B3GALNT2: variants seen among roughly 807,000 people sequenced by gnomAD.
B3GALNT2 encodes the protein UDP-GalNAc:beta-1,3-N-acetylgalactosaminyltransferase 2.
B3GALNT2 carries 53 observed loss-of-function variants against 61.1 expected under a neutral mutation model. The observed-to-expected ratio is 0.87, with a 90% confidence interval of 0.70 to 1.09. The LOEUF is 1.09. Ranked by LOEUF, B3GALNT2 falls within the 50% of genes least tolerant of loss-of-function variation. The pLI is 0.00. For missense variants in B3GALNT2, 544 were observed against 623.0 expected (o/e 0.87, Z 1.35); for synonymous variants, 223 against 237.4 (o/e 0.94, Z 0.56).
At chr1:235,477,945 C>A (rs1684364770) in intron 5 of B3GALNT2, among the ~76,000 whole-genome samples, 1 of 152,202 alleles carries the variant, frequency 6.6e-6, no homozygotes, top group South Asian at 2.1e-4. Flanking sequence ...GGTGGTGTAG[C>A]ACCTTCATCT....
intron 6 of B3GALNT2, chr1:235,465,937 T>A: frequency 2.1e-6 from 1 of 481,604 alleles, no homozygotes; most frequent in Non-Finnish European, 3.6e-6. Flanking sequence ...CAACATTCCA[T>A]AAGGTGTTCA....
At position 235,504,174 on chromosome 1, in the gene B3GALNT2, G is replaced by T; in HGVS notation, c.79C>A (p.Pro27Thr). 1 of 1,303,052 alleles carries T rather than the reference G, an allele frequency of 7.7e-7. No homozygotes were observed. Among genetic ancestry groups the T allele is most frequent in the Admixed American group, 4.0e-5 (1 of 24,778 alleles). The allele number at this position is 1,303,052 out of a possible 1,614,324, so 80.7% of individuals were successfully genotyped here. ...LHLWLRLRSP[P>T]PACASGAGPA... ...CCGGCCCCGGAGGCGCAGGCGGGCG[G>T]CGGGGAGCGCAGCCGCAGCCAGAGG... Residue 27 changes from proline to threonine, a missense_variant, in exon 1 of 12, where the codon CCG becomes ACG. By Grantham distance (38) the Pro-to-Thr change is conservative. Coordinates refer to ENST00000366600, the MANE Select transcript of B3GALNT2 (RefSeq NM_152490.5).
downstream of B3GALNT2, among the ~76,000 whole-genome samples, chr1:235,446,133 A>G (rs1682255711): frequency 6.6e-6 from 1 of 152,256 alleles, no homozygotes; most frequent in Non-Finnish European, 1.5e-5. Context: ...CCATCATGTC[A>G]TAAAGAAATA....
intron 4 of B3GALNT2, 80 bp downstream of exon 4, chr1:235,484,242 T>C: frequency 6.7e-7 from 1 of 1,495,252 alleles, no homozygotes; most frequent in Non-Finnish European, 8.9e-7. Context: ...TCTTCCAATC[T>C]ACTTACTGTA....
intron 1 of B3GALNT2, among the ~76,000 whole-genome samples, chr1:235,498,746 A>G (rs12746111): frequency 1.2e-3 from 168 of 144,996 alleles, no homozygotes; most frequent in African/African-American, 4.1e-3. Context: ...CGGGAGGCTG[A>G]GTCAGGAGAC....
intron 4 of B3GALNT2, among the ~76,000 whole-genome samples, chr1:235,482,769 G>C (rs1558432033): frequency 2.0e-5 from 3 of 152,090 alleles, no homozygotes; most frequent in South Asian, 4.1e-4. Context: ...TAAGGCTGCA[G>C]TGAACCACGA....
rs755083739 is a variant in B3GALNT2, at chr1:235,489,196, G to A, written c.333C>T (p.Ser111=). 6.2e-7 allele frequency: 1 copy of A among 1,614,032 alleles called. No homozygotes were observed. Among genetic ancestry groups the A allele is most frequent in the Non-Finnish European group, 8.5e-7 (1 of 1,179,956 alleles). ...GATTTGTGATGTTGAGTAGTTTACAGGAATAAGGATCCTCCCTGTCTTCCA... is the reference window on the plus strand; with the variant it reads ...GATTTGTGATGTTGAGTAGTTTACAAGAATAAGGATCCTCCCTGTCTTCCA... The part of the protein sequence containing the change: ...VPVEDREDPY[S]CKLLNITNPV... The change falls in exon 3 of 12, where the codon TCC becomes TCT. Residue 111 remains serine (S), a synonymous_variant. Transcript: ENST00000366600.
chr1:235,459,790 G>GTTTTC (rs1008402214), intron 7 of B3GALNT2, among the ~76,000 whole-genome samples: 13 of 151,944 alleles, frequency 8.6e-5, no homozygotes, highest in African/African-American at 2.9e-4. Flanking sequence ...TACCTACAAT[G>GTTTTC]TTTTCTTTTT....
intron 8 of B3GALNT2, among the ~76,000 whole-genome samples, chr1:235,456,881 G>A (rs1220355155): frequency 2.0e-5 from 3 of 151,944 alleles, no homozygotes; most frequent in African/African-American, 4.8e-5. Context: ...TCTCATTTGC[G>A]GCCCCAAATT....
At chr1:235,459,626 CAAAT>C (rs563152118) in intron 7 of B3GALNT2, among the ~76,000 whole-genome samples, 1 of 151,612 alleles carries the variant, frequency 6.6e-6, no homozygotes, top group African/African-American at 2.4e-5. Context: ...GACCCTGTCT[CAAAT>C]AAATAAATAA....
At chr1:235,458,220 T>C (rs148255822) in intron 8 of B3GALNT2, among the ~76,000 whole-genome samples, 3 of 152,244 alleles carry the variant, frequency 2.0e-5, no homozygotes, top group African/African-American at 7.2e-5. Context: ...GTGTTTTTGA[T>C]AGGTTAATAT....
intron 3 of B3GALNT2, among the ~76,000 whole-genome samples, chr1:235,487,066 C>T (rs1684840802): frequency 6.6e-6 from 1 of 151,348 alleles, no homozygotes; most frequent in Admixed American, 6.6e-5. Flanking sequence ...GAGACTAAGG[C>T]AGGAGAATCG....
At chr1:235,496,242 T>A in intron 1 of B3GALNT2, 1 of 263,574 alleles carries the variant, frequency 3.8e-6, no homozygotes, top group South Asian at 3.8e-5. Flanking sequence ...ACCCGGGAGG[T>A]GGAGGTTGGG....
rs773370448 is a variant in B3GALNT2, at chr1:235,448,779, T to C, written c.*1427A>G. 24 of 1,539,750 alleles carry C rather than the reference T, an allele frequency of 1.6e-5. No homozygotes were observed. In the East Asian group the frequency reaches 5.4e-4, roughly 35 times the overall value. On this transcript the variant is annotated 3_prime_UTR_variant, in exon 12 of 12. Coordinates refer to ENST00000366600, the MANE Select transcript of B3GALNT2 (RefSeq NM_152490.5). ...CGATGGTGACAACCAACTAATAAAA[T>C]TTAAAGACCACACTGCTTATCGTGT...
intron 3 of B3GALNT2, among the ~76,000 whole-genome samples, chr1:235,487,353 TA>T (rs1344927659): frequency 6.6e-6 from 1 of 152,196 alleles, no homozygotes. Context: ...CCCAGCTTTA[TA>T]AAATAGCAGG....
At chr1:235,493,686 G>A (rs964320880) in intron 2 of B3GALNT2, among the ~76,000 whole-genome samples, 12 of 152,072 alleles carry the variant, frequency 7.9e-5, no homozygotes, top group African/African-American at 2.7e-4. Context: ...GCTGAGGCAG[G>A]AGAATCGCTT....
chr1:235,458,882 C>A (rs185758751), intron 7 of B3GALNT2, 96 bp from the exon 8 acceptor site: 54 of 1,100,138 alleles, frequency 4.9e-5, no homozygotes, highest in Non-Finnish European at 6.4e-5. Flanking sequence ...CCAAGGTAAC[C>A]CAGCAGAAAC....
downstream of B3GALNT2, among the ~76,000 whole-genome samples, chr1:235,445,019 G>A (rs936899829): frequency 3.9e-5 from 6 of 152,218 alleles, no homozygotes; most frequent in African/African-American, 1.4e-4. Context: ...CTGAGATTCA[G>A]TTAGCCATTT....
chr1:235,456,863 A>G lies in B3GALNT2; in HGVS notation c.1026-1179T>C, dbSNP rs536070245. Among the ~76,000 whole-genome samples the G allele has an allele frequency of 2.0e-5, 3 of 152,176 alleles. 1 individual carries two copies. Among genetic ancestry groups the G allele is most frequent in the South Asian group, 4.2e-4 (2 of 4,810 alleles). On this transcript the variant is annotated intron_variant, in intron 8 of 11. Coordinates refer to ENST00000366600, the MANE Select transcript of B3GALNT2 (RefSeq NM_152490.5). ...ATTCCTCATCTCAGCCTCACCTACA[A>G]TTGCAACTCTCATTTGCGGCCCCAA... is the stretch of plus-strand genomic sequence containing the variant.
Sources: gnomAD v4.1 joint callset for allele counts (sites outside exome capture counted in the v4.1 genomes callset) on GRCh38, gnomAD v4.1.1 for gene constraint, MANE v1.5 for transcripts, NCBI Gene and HGNC (gene_info 2026-07-23, HGNC 2026-07-21) for gene names.